Variants in FARS2 observed in about 807,000 individuals in gnomAD.
FARS2 encodes phenylalanine--tRNA ligase, mitochondrial.
A neutral mutation model predicts 46.4 loss-of-function variants in FARS2; 40 were observed. The ratio of observed to expected loss-of-function variants is 0.86; its 90% CI spans 0.67 to 1.12. FARS2 has a LOEUF of 1.12. Among genes scored for constraint, FARS2 ranks in the 50% most tolerant of loss-of-function variants. The probability of loss-of-function intolerance (pLI) is 0.00; values close to 1 mark genes in which losing one functional copy is unlikely to be tolerated. For missense variants in FARS2, 513 were observed against 567.9 expected, an observed-to-expected ratio of 0.90 and a Z score of 0.98; for synonymous variants, 234 against 214.9, an observed-to-expected ratio of 1.09 and a Z score of -0.78.
chr6:5,761,265 C>T (rs1762462633), intron 6 of FARS2, among the ~76,000 whole-genome samples: 1 of 152,188 alleles, frequency 6.6e-6, no homozygotes, highest in Non-Finnish European at 1.5e-5. Flanking sequence ...GTATAAATGT[C>T]TTATGGACCC....
chr6:5,310,519 A>G (rs1769012814), intron 1 of FARS2, among the ~76,000 whole-genome samples: 1 of 152,202 alleles, frequency 6.6e-6, no homozygotes, highest in Non-Finnish European at 1.5e-5. Context: ...AAAAAAACTC[A>G]TAGAAATAAG....
chr6:5,312,326 A>AT (rs1267424518), intron 1 of FARS2, among the ~76,000 whole-genome samples: 6 of 152,172 alleles, frequency 3.9e-5, no homozygotes, highest in East Asian at 3.8e-4. Context: ...TCTGTGTAGT[A>AT]TTTTTTGTGT....
intron 4 of FARS2, among the ~76,000 whole-genome samples, chr6:5,514,653 T>C (rs1370178980): frequency 6.6e-6 from 1 of 152,182 alleles, no homozygotes; most frequent in African/African-American, 2.4e-5. Context: ...AATTGACAAC[T>C]CTCTTTCCAA....
intron 1 of FARS2, among the ~76,000 whole-genome samples, chr6:5,340,472 T>A (rs527730191): frequency 3.9e-5 from 6 of 152,370 alleles, no homozygotes; most frequent in Admixed American, 1.3e-4. Flanking sequence ...GTAAGAATAA[T>A]CACCTTTTTT....
chr6:5,461,202 C>T (rs1054378711), intron 4 of FARS2, among the ~76,000 whole-genome samples: 39 of 152,016 alleles, frequency 2.6e-4, no homozygotes, highest in African/African-American at 1.2e-4. Context: ...TCACGCCTGG[C>T]TAATTTTTTG....
intron 1 of FARS2, among the ~76,000 whole-genome samples, chr6:5,356,167 G>A (rs12199101): frequency 0.19 from 29,656 of 152,158 alleles, 3,410 homozygotes; most frequent in East Asian, 0.49. Context: ...ATGACGAGAC[G>A]GCTAGGCGCT....
chr6:5,663,852 C>G (rs1777968303), intron 6 of FARS2, among the ~76,000 whole-genome samples: 1 of 152,154 alleles, frequency 6.6e-6, no homozygotes, highest in Admixed American at 6.5e-5. Context: ...CCTTAGATCT[C>G]CAGGGAAGAT....
At chr6:5,642,370 G>A (rs1776863990) in intron 6 of FARS2, among the ~76,000 whole-genome samples, 1 of 152,116 alleles carries the variant, frequency 6.6e-6, no homozygotes. Context: ...TCCCCAATAG[G>A]ACTTTTTTGT....
chr6:5,546,388 T>C (rs9504432), intron 5 of FARS2, among the ~76,000 whole-genome samples: 3,885 of 151,456 alleles, frequency 0.026, 178 homozygotes, highest in African/African-American at 0.089. Context: ...GCAGCTGGGA[T>C]TACAGGCGCC....
At chr6:5,690,365 C>T (rs1313421955) in intron 6 of FARS2, among the ~76,000 whole-genome samples, 1 of 151,674 alleles carries the variant, frequency 6.6e-6, no homozygotes, top group African/African-American at 2.4e-5. Flanking sequence ...TTAGTGCTTC[C>T]TTCAGGAGCT....
chr6:5,337,682 A>G (rs1771258147), intron 1 of FARS2, among the ~76,000 whole-genome samples: 1 of 152,194 alleles, frequency 6.6e-6, no homozygotes, highest in South Asian at 2.1e-4. Flanking sequence ...CTAATAGTTC[A>G]TGAGTTCATT....
Position 5,264,970 on chromosome 6 carries a change from G to GTTT in FARS2, c.-22+3323_-22+3325dup, listed in dbSNP as rs55760923. On this transcript the variant is annotated intron_variant, in intron 1 of 6. Transcript: ENST00000274680. Reference sequence around the variant, plus strand: ...CACCATGCCTGGCAGATTTTTAAGTGTTTTTTTTTTTTTTTGTAGAGATGA... The same window carrying GTTT: ...CACCATGCCTGGCAGATTTTTAAGTGTTTTTTTTTTTTTTTTTTGTAGAGATGA... Among the ~76,000 whole-genome samples, 24 of 136,182 alleles carry GTTT rather than the reference G, an allele frequency of 1.8e-4. 2 individuals carry two copies. The highest frequency in any genetic ancestry group is 4.6e-4 in the South Asian group (2 of 4,324). 89.3% of individuals were successfully genotyped at this position (136,182 alleles called of 152,430 possible).
intron 1 of FARS2, among the ~76,000 whole-genome samples, chr6:5,281,687 G>T (rs570665008): frequency 7.5e-6 from 1 of 133,512 alleles, no homozygotes; most frequent in Non-Finnish European, 1.6e-5. Context: ...TAAAATTGTT[G>T]TCCACAGTGA....
intron 1 of FARS2, among the ~76,000 whole-genome samples, chr6:5,309,352 T>C (rs991296188): frequency 1.3e-5 from 2 of 152,160 alleles, no homozygotes; most frequent in South Asian, 4.1e-4. Flanking sequence ...AGAGACACTT[T>C]CTTTAGACTT....
chr6:5,680,316 G>C (rs1778969401), intron 6 of FARS2, among the ~76,000 whole-genome samples: 1 of 152,164 alleles, frequency 6.6e-6, no homozygotes, highest in African/African-American at 2.4e-5. Context: ...CCACGGGTTA[G>C]GCATGAGTAG....
intron 5 of FARS2, among the ~76,000 whole-genome samples, chr6:5,596,443 GAT>G (rs1774201900): frequency 6.6e-6 from 1 of 152,210 alleles, no homozygotes; most frequent in African/African-American, 2.4e-5. Context: ...CAGCATATGT[GAT>G]AGTTTTTGGA....
At chr6:5,377,555 A>G (rs1759461304) in intron 2 of FARS2, among the ~76,000 whole-genome samples, 1 of 152,080 alleles carries the variant, frequency 6.6e-6, no homozygotes, top group Non-Finnish European at 1.5e-5. Context: ...TAAAATTCTA[A>G]ATGCCTCTTG....
At chr6:5,721,598 A>G (rs1759914261) in intron 6 of FARS2, among the ~76,000 whole-genome samples, 1 of 152,182 alleles carries the variant, frequency 6.6e-6, no homozygotes, top group African/African-American at 2.4e-5. Flanking sequence ...AACTCTTTTA[A>G]GCGTCGACAC....
intron 6 of FARS2, among the ~76,000 whole-genome samples, chr6:5,626,847 G>A (rs1776057670): frequency 6.6e-6 from 1 of 152,226 alleles, no homozygotes; most frequent in South Asian, 2.1e-4. Flanking sequence ...ATTATGGAGT[G>A]TACTTACACA....
Sources: allele counts gnomAD v4.1 joint callset (sites outside exome capture counted in the v4.1 genomes callset), GRCh38; gene constraint gnomAD v4.1.1; transcripts MANE v1.5; gene names NCBI Gene and HGNC (gene_info 2026-07-23, HGNC 2026-07-21).